PRH1: variants seen among roughly 807,000 people sequenced by gnomAD.
The protein encoded by PRH1 is proline rich protein HaeIII subfamily 1, also known as salivary acidic proline-rich phosphoprotein 1/2.
Under a neutral mutation model 7.9 loss-of-function variants are expected in PRH1, and 7 were observed. The observed-to-expected ratio is 0.89, with a 90% confidence interval of 0.50 to 1.67. The LOEUF (loss-of-function observed/expected upper bound fraction) is 1.67, where lower values mean the gene tolerates loss of function less well. PRH1 is among the 40% of genes most tolerant of loss of function. PRH1 has a pLI of 0.00. For synonymous variants in PRH1, 45 were observed against 80.8 expected (o/e 0.56, Z 2.38); for missense variants, 109 against 223.6 (o/e 0.49, Z 3.27).
rs541100556 is a variant in PRH1, at chr12:11,094,059, C to A, written n.124-46871G>T. Among the ~76,000 whole-genome samples, 117 of 112,554 alleles carry A rather than the reference C, an allele frequency of 1.0e-3. 35 individuals carry two copies. Among genetic ancestry groups the A allele is most frequent in the Admixed American group, 7.5e-3 (82 of 10,982 alleles). 73.8% of individuals were successfully genotyped at this position (112,554 alleles called of 152,430 possible). ...AGAAAAATAAAATCCAGGTCCAGTG[C>A]AGGCAAGGCTGAGGAAGGCAGATTA... On this transcript the variant is annotated intron_variant and non_coding_transcript_variant, in intron 1 of 4. Transcript: ENST00000541977.
intron 1 of PRH1, among the ~76,000 whole-genome samples, chr12:11,137,260 T>G (rs1217193290): frequency 1.3e-5 from 2 of 152,242 alleles, no homozygotes; most frequent in Non-Finnish European, 2.9e-5. Context: ...TCTTCATTTA[T>G]AACAATCTTT....
intron 1 of PRH1, among the ~76,000 whole-genome samples, chr12:11,018,174 G>A (rs912508744): frequency 4.6e-5 from 7 of 151,280 alleles, no homozygotes; most frequent in Non-Finnish European, 5.9e-5. Flanking sequence ...CATCAAGCCC[G>A]TAGGAGAGGA....
At chr12:10,985,120 A>C (rs1259953103) in intron 1 of PRH1, among the ~76,000 whole-genome samples, 1 of 152,084 alleles carries the variant, frequency 6.6e-6, no homozygotes, top group Non-Finnish European at 1.5e-5. Flanking sequence ...ACTTCAAAAA[A>C]GGTTTTCTTT....
chr12:10,955,062 T>A (rs994710795), intron 2 of PRH1, among the ~76,000 whole-genome samples: 3 of 152,068 alleles, frequency 2.0e-5, no homozygotes, highest in Non-Finnish European at 2.9e-5. Context: ...GGACCTGAAA[T>A]AGACACTTAA....
In PRH1 at chr12:10,908,428, C is replaced by T; in HGVS notation, c.-58-24153G>A. ...ACCTTAGCTGCCACCAAAAGAAAGG[C>T]CTGTCTTAACTTAGCGTTTCCTAGA... is the stretch of plus-strand genomic sequence containing the variant. On this transcript the variant is annotated intron_variant, in intron 2 of 3. Coordinates refer to the PRH1 transcript ENST00000539853. 3 of 1,613,410 alleles carry T rather than the reference C, an allele frequency of 1.9e-6. No individual in the cohort carries two copies. In the South Asian group the frequency reaches 3.3e-5, roughly 18 times the overall value.
chr12:10,908,416 C>A, intron 2 of PRH1: 1 of 1,613,052 alleles, frequency 6.2e-7, no homozygotes, highest in Non-Finnish European at 8.5e-7. Flanking sequence ...TTAGCTGCCA[C>A]CAAAAGAAAG....
chr12:11,110,359 A>T (rs61912129), intron 1 of PRH1, among the ~76,000 whole-genome samples: 33,912 of 152,066 alleles, frequency 0.22, 3,819 homozygotes, highest in Non-Finnish European at 0.24. Flanking sequence ...CCAAAAATAC[A>T]TAATAGTCAG....
At chr12:11,039,931 T>C (rs755613347) in intron 1 of PRH1, among the ~76,000 whole-genome samples, 1 of 152,224 alleles carries the variant, frequency 6.6e-6, no homozygotes, top group Non-Finnish European at 1.5e-5. Context: ...CAGGTAGAAA[T>C]AGCCCTGCTT....
intron 2 of PRH1, chr12:10,964,902 C>A: frequency 1.7e-6 from 1 of 576,156 alleles, no homozygotes; most frequent in South Asian, 1.7e-5. Flanking sequence ...CACATACTCT[C>A]ATCCATGTTT....
At chr12:10,948,796 G>C (rs559360330) in intron 2 of PRH1, among the ~76,000 whole-genome samples, 63 of 152,102 alleles carry the variant, frequency 4.1e-4, no homozygotes, top group Admixed American at 1.1e-3. Flanking sequence ...CTTCCTTTCT[G>C]GATGTTTTCA....
chr12:10,909,030 A>C, intron 2 of PRH1: 1 of 1,613,708 alleles, frequency 6.2e-7, no homozygotes, highest in South Asian at 1.1e-5. Flanking sequence ...ATTAGAAACT[A>C]TCCAGCTAAA....
At chr12:11,026,342 T>C (rs1192358348) in intron 1 of PRH1, among the ~76,000 whole-genome samples, 2 of 152,120 alleles carry the variant, frequency 1.3e-5, no homozygotes, top group African/African-American at 2.4e-5. Context: ...GGGGGAGTTT[T>C]TGAAGGTCAG....
intron 2 of PRH1, among the ~76,000 whole-genome samples, chr12:10,906,381 GT>G (rs1949803459): frequency 6.6e-6 from 1 of 152,194 alleles, no homozygotes; most frequent in African/African-American, 2.4e-5. Flanking sequence ...TTCATTAAAA[GT>G]TTTTAATGTC....
intron 1 of PRH1, among the ~76,000 whole-genome samples, chr12:11,106,324 G>A (rs1398920001): frequency 1.3e-5 from 2 of 152,138 alleles, no homozygotes; most frequent in Non-Finnish European, 2.9e-5. Flanking sequence ...AGAAGAAATT[G>A]TTGTCCTATA....
At chr12:10,980,464 C>T (rs964858880) in intron 1 of PRH1, among the ~76,000 whole-genome samples, 12 of 152,006 alleles carry the variant, frequency 7.9e-5, no homozygotes, top group African/African-American at 2.9e-4. Context: ...ATTGATCCTC[C>T]CACATTCTCC....
At chr12:10,996,829 A>G (rs865870732) in intron 1 of PRH1, 53 of 925,462 alleles carry the variant, frequency 5.7e-5, no homozygotes, top group Middle Eastern at 5.5e-4. Context: ...TTCTATGTCA[A>G]CTTTTGGAAA....
chr12:11,128,040 GGCGGAGCTTGCAGTGA>G (rs1052068116), intron 1 of PRH1, among the ~76,000 whole-genome samples: 1 of 145,620 alleles, frequency 6.9e-6, no homozygotes, highest in Non-Finnish European at 1.5e-5. Context: ...GAACCCAGGA[GGCGGAGCTTGCAGTGA>G]GCCGAGATGG....
At chr12:11,128,718 C>A (rs1946222866) in intron 1 of PRH1, among the ~76,000 whole-genome samples, 1 of 152,146 alleles carries the variant, frequency 6.6e-6, no homozygotes, top group South Asian at 2.1e-4. Context: ...GCACTCTAGC[C>A]TGAGAGACAG....
intron 2 of PRH1, among the ~76,000 whole-genome samples, chr12:10,943,461 T>C (rs906665620): frequency 1.3e-4 from 20 of 152,284 alleles, no homozygotes; most frequent in African/African-American, 4.8e-4. Context: ...CTTATAGATG[T>C]TGGATATAAG....
Sources: gnomAD v4.1 joint callset for allele counts (sites outside exome capture counted in the v4.1 genomes callset) on GRCh38, gnomAD v4.1.1 for gene constraint, MANE v1.5 for transcripts, NCBI Gene and HGNC (gene_info 2026-07-23, HGNC 2026-07-21) for gene names.